TSPEAR: variants seen among roughly 807,000 people sequenced by gnomAD.
TSPEAR encodes thrombospondin type laminin G domain and EAR repeats, also known as thrombospondin-type laminin G domain and EAR repeat-containing protein.
Under a neutral mutation model 71.6 loss-of-function variants are expected in TSPEAR, and 69 were observed. That is an observed-to-expected ratio of 0.96 (90% CI 0.79 to 1.18). The LOEUF (loss-of-function observed/expected upper bound fraction) is 1.18. Ranked by LOEUF, TSPEAR falls within the 50% of genes most tolerant of loss-of-function variation. The pLI is 0.00. For missense variants in TSPEAR, 971 were observed against 894.9 expected (o/e 1.09, Z -1.09); for synonymous variants, 402 against 387.2 (o/e 1.04, Z -0.45).
At chr21:44,517,303 A>AC (rs113395602) in intron 9 of TSPEAR, 1,912 of 158,262 alleles carry the variant, frequency 0.012, 49 homozygotes, top group African/African-American at 0.043. Flanking sequence ...TTGCCAGTGC[A>AC]CCCCCCAGGA....
intron 1 of TSPEAR, chr21:44,579,752 G>T: frequency 6.2e-7 from 1 of 1,606,982 alleles, no homozygotes; most frequent in South Asian, 1.1e-5. Context: ...CTCCTGGCCT[G>T]AGCAGAGGCC....
chr21:44,566,116 G>A lies in TSPEAR; in HGVS notation c.303+1669C>T, dbSNP rs587673983. On this transcript the variant is annotated intron_variant, in intron 2 of 11. Transcript: ENST00000323084. ...AATCGCTTGAACCCAGGAAATAGAGGTTGCATTGAGCCGAGATTGCACCAC... is the reference window on the plus strand; with the variant it reads ...AATCGCTTGAACCCAGGAAATAGAGATTGCATTGAGCCGAGATTGCACCAC... 2.0e-3 allele frequency among the ~76,000 whole-genome samples: 309 copies of A among 152,264 alleles called. 3 individuals carry two copies. Among genetic ancestry groups the A allele is most frequent in the Non-Finnish European group, 2.2e-3 (152 of 68,030 alleles).
chr21:44,558,283 C>T, intron 2 of TSPEAR: 1 of 1,614,114 alleles, frequency 6.2e-7, no homozygotes, highest in Non-Finnish European at 8.5e-7. Context: ...GTGCAGCAAG[C>T]CGGCTGGCGG....
chr21:44,543,062 A>T (rs1207101742), intron 2 of TSPEAR, among the ~76,000 whole-genome samples: 1 of 152,198 alleles, frequency 6.6e-6, no homozygotes, highest in Non-Finnish European at 1.5e-5. Flanking sequence ...CCCCCAAATG[A>T]GAACAGAATA....
chr21:44,690,520 G>T, intron 1 of TSPEAR: 1 of 982,126 alleles, frequency 1.0e-6, no homozygotes, highest in African/African-American at 1.7e-5. Flanking sequence ...CATCTCATCA[G>T]CAGCACTGAA....
At chr21:44,654,741 G>A in intron 1 of TSPEAR, 1 of 649,482 alleles carries the variant, frequency 1.5e-6, no homozygotes, top group Non-Finnish European at 2.7e-6. Flanking sequence ...CCTCGTGGGT[G>A]GTTTTTCCTC....
chr21:44,591,169 C>G, intron 1 of TSPEAR: 1 of 789,350 alleles, frequency 1.3e-6, no homozygotes, highest in Non-Finnish European at 2.0e-6. Flanking sequence ...GGAACCAGGC[C>G]TGCTGGGGGT....
At chr21:44,570,563 A>T (rs233275) in intron 1 of TSPEAR, among the ~76,000 whole-genome samples, 1 of 151,996 alleles carries the variant, frequency 6.6e-6, no homozygotes, top group African/African-American at 2.4e-5. Context: ...AGGTATAGCC[A>T]CTGAGGATGG....
In TSPEAR at chr21:44,710,635, G is replaced by A. The variant is rs1180606039; in HGVS notation, c.82+798C>T. 1.3e-5 allele frequency among the ~76,000 whole-genome samples: 2 copies of A among 152,242 alleles called. No homozygotes were observed. Among genetic ancestry groups the A allele is most frequent in the South Asian group, 2.1e-4 (1 of 4,832 alleles). On this transcript the variant is annotated intron_variant, in intron 1 of 11. Coordinates refer to ENST00000323084, the MANE Select transcript of TSPEAR (RefSeq NM_144991.3). This position sits in a 1 kb window ranked among gnomAD's most constrained non-coding sequence, Gnocchi z 4.6. ...TCTCCTCGCCTCCCCTGATAGCCGT[G>A]CTGCGGAGCCTGAGTGCTGGAGTCA... is the stretch of plus-strand genomic sequence containing the variant.
At chr21:44,620,460 A>G (rs1982371688) in intron 1 of TSPEAR, among the ~76,000 whole-genome samples, 1 of 152,360 alleles carries the variant, frequency 6.6e-6, no homozygotes, top group South Asian at 2.1e-4. Flanking sequence ...TTTGTTGGGT[A>G]CAAATATTCA....
Position 44,612,986 on chromosome 21 carries a change from G to T in TSPEAR, c.83-44981C>A. ...AGTGGCTGCCCCTACCTGGGATGGGGTCTCCATGTCTCCCCTGTGCTGAGG... is the reference window on the plus strand; with the variant it reads ...AGTGGCTGCCCCTACCTGGGATGGGTTCTCCATGTCTCCCCTGTGCTGAGG... On this transcript the variant is annotated intron_variant, in intron 1 of 11. Transcript: ENST00000323084. The surrounding 1 kb of genome is among the most constrained non-coding windows in gnomAD (Gnocchi z 4.1). 1.3e-6 allele frequency: 2 copies of T among 1,482,162 alleles called. No individual in the cohort carries two copies. Among genetic ancestry groups the T allele is most frequent in the Admixed American group, 1.8e-5 (1 of 55,518 alleles). The allele number at this position is 1,482,162 out of a possible 1,614,324, so 91.8% of individuals were successfully genotyped here.
At chr21:44,621,050 A>G (rs1352371891) in intron 1 of TSPEAR, among the ~76,000 whole-genome samples, 1 of 152,234 alleles carries the variant, frequency 6.6e-6, no homozygotes, top group Non-Finnish European at 1.5e-5. Context: ...AATTTAGATT[A>G]TTGAGGCTAG....
intron 1 of TSPEAR, among the ~76,000 whole-genome samples, chr21:44,598,728 C>G (rs1316321839): frequency 2.0e-5 from 3 of 152,150 alleles, no homozygotes; most frequent in Non-Finnish European, 4.4e-5. Context: ...CTAGTTTAGA[C>G]CCCACAAGAG....
At chr21:44,604,093 C>T (rs988690925) in intron 1 of TSPEAR, among the ~76,000 whole-genome samples, 5 of 152,196 alleles carry the variant, frequency 3.3e-5, no homozygotes, top group Admixed American at 2.6e-4. Context: ...CTGCCACTTC[C>T]ACGCCACAGG....
intron 1 of TSPEAR, among the ~76,000 whole-genome samples, chr21:44,665,873 A>G (rs1569247913): frequency 6.6e-6 from 1 of 152,156 alleles, no homozygotes; most frequent in Admixed American, 6.5e-5. Flanking sequence ...AGAAAACCCA[A>G]TTGTCAATGC....
intron 1 of TSPEAR, chr21:44,591,967 C>T: frequency 6.2e-7 from 1 of 1,604,744 alleles, no homozygotes; most frequent in South Asian, 1.1e-5. Flanking sequence ...AGACTGCTGG[C>T]AGCACGAAGA....
chr21:44,518,091 G>A (rs1255039288), intron 9 of TSPEAR, among the ~76,000 whole-genome samples: 1 of 152,226 alleles, frequency 6.6e-6, no homozygotes, highest in East Asian at 1.9e-4. Context: ...GCCAGCAATT[G>A]CATTTTTAAT....
chr21:44,636,761 T>C (rs1190500478), intron 1 of TSPEAR, among the ~76,000 whole-genome samples: 2 of 152,144 alleles, frequency 1.3e-5, no homozygotes, highest in African/African-American at 4.8e-5. Flanking sequence ...CTCCAGGGGA[T>C]GGCAGTCCAG....
At chr21:44,621,694 T>A (rs1239211973) in intron 1 of TSPEAR, among the ~76,000 whole-genome samples, 1 of 152,264 alleles carries the variant, frequency 6.6e-6, no homozygotes, top group Non-Finnish European at 1.5e-5. Context: ...ACTGGTATTA[T>A]TTCTCTCCCA....
Sources: gnomAD v4.1 joint callset for allele counts (sites outside exome capture counted in the v4.1 genomes callset) on GRCh38, gnomAD v4.1.1 for gene constraint, Gnocchi (gnomAD v3.1) non-coding constraint, MANE v1.5 for transcripts, NCBI Gene and HGNC (gene_info 2026-07-23, HGNC 2026-07-21) for gene names.